Variants in PTPRU observed in about 807,000 individuals in gnomAD.
The protein encoded by PTPRU is protein tyrosine phosphatase receptor type U.
PTPRU carries 69 observed loss-of-function variants against 166.3 expected under a neutral mutation model. The observed-to-expected ratio is 0.41, with a 90% CI of 0.34 to 0.51. PTPRU has a LOEUF of 0.51. Ranked by LOEUF, PTPRU falls within the 20% of genes least tolerant of loss-of-function variation. The probability of loss-of-function intolerance (pLI) is 0.09; values close to 1 mark genes in which losing one functional copy is unlikely to be tolerated. For synonymous variants in PTPRU, 793 were observed against 814.0 expected (o/e 0.97, Z 0.44); for missense variants, 1,657 against 2,013.7 (o/e 0.82, Z 3.39).
At position 29,260,707 on chromosome 1, in the gene PTPRU, G is replaced by T. The variant is rs775160621; in HGVS notation, c.948G>T (p.Pro316=). The T allele has an allele frequency of 4.4e-6, 7 of 1,593,456 alleles. No homozygotes were observed. Among genetic ancestry groups the T allele is most frequent in the African/African-American group, 1.3e-5 (1 of 74,128 alleles). The change falls in exon 7 of 30, where the codon CCG becomes CCT. Residue 316 remains proline (P), a synonymous_variant. Coordinates refer to ENST00000373779, the MANE Select transcript of PTPRU (RefSeq NM_133178.4). The surrounding 1 kb of genome is among the most constrained non-coding windows in gnomAD (Gnocchi z 8.3). ...LNTNSIIGDG[P]IVRKEIEYRM... Reference sequence around the variant, plus strand: ...CCAACTCCATCATTGGCGACGGGCCGATCGTGCGCAAGGAGATTGAGTACC... The same window carrying T: ...CCAACTCCATCATTGGCGACGGGCCTATCGTGCGCAAGGAGATTGAGTACC...
intron 16 of PTPRU, 104 bp from the exon 17 acceptor site, chr1:29,304,670 C>G (rs1687298389): frequency 2.4e-6 from 2 of 822,418 alleles, no homozygotes; most frequent in Non-Finnish European, 3.7e-6. Flanking sequence ...GAATCTGGCC[C>G]TTATCATCCC....
chr1:29,265,351 G>A (rs181955567), intron 7 of PTPRU, among the ~76,000 whole-genome samples: 6 of 151,922 alleles, frequency 3.9e-5, no homozygotes, highest in East Asian at 3.9e-4. Flanking sequence ...TAGTGATGTC[G>A]AACATCTTTT....
At chr1:29,307,503 C>T (rs1245076247) in intron 18 of PTPRU, among the ~76,000 whole-genome samples, 3 of 152,262 alleles carry the variant, frequency 2.0e-5, no homozygotes, top group African/African-American at 7.2e-5. Context: ...TCCCTAGCTG[C>T]ACCTTCTACA....
Position 29,275,670 on chromosome 1 carries a change from A to T in PTPRU, c.1367A>T (p.Tyr456Phe). 6.2e-7 allele frequency: 1 copy of T among 1,614,150 alleles called. No individual in the cohort carries two copies. Among genetic ancestry groups the T allele is most frequent in the Non-Finnish European group, 8.5e-7 (1 of 1,180,020 alleles). The change falls in exon 8 of 30, where the codon TAT (tyrosine) becomes TTT (phenylalanine). Residue 456 changes from tyrosine to phenylalanine, a missense_variant. Coordinates refer to ENST00000373779, the MANE Select transcript of PTPRU (RefSeq NM_133178.4). ...SRYTIKNLLP[Y>F]RNVHVRLVLT... The stretch of plus-strand genomic sequence containing the variant: ...TACACCATCAAGAACCTGCTGCCCT[A>T]TCGGAACGTTCACGTGAGGCTTGTC...
intron 15 of PTPRU, among the ~76,000 whole-genome samples, chr1:29,299,237 A>G (rs1687031307): frequency 6.6e-6 from 1 of 152,226 alleles, no homozygotes; most frequent in Non-Finnish European, 1.5e-5. Context: ...CCCATAAAGC[A>G]TCAGCTGTCC....
chr1:29,318,682 G>A (rs576951812), intron 25 of PTPRU, among the ~76,000 whole-genome samples: 7 of 152,326 alleles, frequency 4.6e-5, no homozygotes, highest in African/African-American at 1.4e-4. Context: ...ACCCCTCCCC[G>A]ATATAGCCGT....
At chr1:29,297,372 A>T (rs951202071) in intron 15 of PTPRU, among the ~76,000 whole-genome samples, 1 of 152,106 alleles carries the variant, frequency 6.6e-6, no homozygotes, top group African/African-American at 2.4e-5. Context: ...AGCTGTTATT[A>T]ACCCTTCAGC....
At chr1:29,314,667 T>G (rs752081609) in intron 22 of PTPRU, among the ~76,000 whole-genome samples, 13 of 152,096 alleles carry the variant, frequency 8.5e-5, no homozygotes, top group Non-Finnish European at 1.6e-4. Flanking sequence ...AACCTCCATC[T>G]CCCGGGTTCA....
rs1172496884 is a variant in PTPRU, at chr1:29,237,774, C to T, written c.73+1057C>T. On this transcript the variant is annotated intron_variant, in intron 1 of 29. Coordinates refer to ENST00000373779, the MANE Select transcript of PTPRU (RefSeq NM_133178.4). This position sits in a 1 kb window ranked among gnomAD's most constrained non-coding sequence, Gnocchi z 6.4. ...GAGGCGGCGCCGGGGCTGCGGGGCG[C>T]CCGGGCCAGCGGGCCCCAGCGAGGG... 2.7e-5 allele frequency among the ~76,000 whole-genome samples: 4 copies of T among 147,656 alleles called. No individual in the cohort carries two copies. The highest frequency in any genetic ancestry group is 6.0e-5 in the Non-Finnish European group (4 of 66,476).
intron 15 of PTPRU, among the ~76,000 whole-genome samples, chr1:29,293,478 G>GTTT (rs370297342): frequency 8.8e-5 from 12 of 135,896 alleles, no homozygotes; most frequent in African/African-American, 1.6e-4. Context: ...GTAGTTTTTT[G>GTTT]TTTTTTTTTT....
At chr1:29,251,277 T>C (rs1008402410) in intron 1 of PTPRU, among the ~76,000 whole-genome samples, 1 of 151,448 alleles carries the variant, frequency 6.6e-6, no homozygotes, top group Admixed American at 6.6e-5. Context: ...AAGGAATCAC[T>C]CTGGATGCGG....
At position 29,315,398 on chromosome 1, in the gene PTPRU, A is replaced by G. The variant is rs776864464; in HGVS notation, c.3254A>G (p.Tyr1085Cys). ...GCGGGCACCGGCCGCACAGGTTGCT[A>G]TATCGTCCTGGATGTGATGCTGGAC... ...CSAGTGRTGC[Y>C]IVLDVMLDMA... Residue 1085 changes from tyrosine (Y) to cysteine (C), a missense_variant, in exon 23 of 30, where the codon TAT (tyrosine) becomes TGT (cysteine). Around this residue, in one of 3 missense-constraint regions of PTPRU, gnomAD observed 1,190 missense variants for 1,477.4 expected, o/e 0.81. Transcript: ENST00000373779. The surrounding 1 kb of genome is among the most constrained non-coding windows in gnomAD (Gnocchi z 4.5). 10 of 1,614,206 alleles carry G rather than the reference A, an allele frequency of 6.2e-6. No homozygotes were observed. Among genetic ancestry groups the G allele is most frequent in the East Asian group, 4.5e-5 (2 of 44,884 alleles).
chr1:29,301,336 T>A (rs1687123811), intron 15 of PTPRU, among the ~76,000 whole-genome samples: 1 of 152,200 alleles, frequency 6.6e-6, no homozygotes, highest in Non-Finnish European at 1.5e-5. Context: ...AATGTCATCG[T>A]GCAATGCATT....
Position 29,255,402 on chromosome 1 carries a change from C to T in PTPRU, c.201C>T (p.Pro67=). 6.2e-7 allele frequency: 1 copy of T among 1,614,144 alleles called. No individual in the cohort carries two copies. Among genetic ancestry groups the T allele is most frequent in the Non-Finnish European group, 8.5e-7 (1 of 1,179,986 alleles). ...HPGTRAPADL[P]HGSYLMVNTS... ...GCACCCGGGCACCTGCGGACCTGCC[C>T]CACGGTAAGTCTACTCTCCATCGCC... Residue 67 remains proline, a synonymous_variant, in exon 2 of 30, where the codon CCC becomes CCT. Transcript: ENST00000373779.
chr1:29,320,904 C>G lies in PTPRU; in HGVS notation c.3828+79C>G. The G allele has an allele frequency of 7.2e-7, 1 of 1,387,760 alleles. No homozygotes were observed. Among genetic ancestry groups the G allele is most frequent in the Non-Finnish European group, 9.5e-7 (1 of 1,048,158 alleles). The allele number at this position is 1,387,760 out of a possible 1,614,324, so 86.0% of individuals were successfully genotyped here. A position where few individuals can be genotyped will look rare whatever the true frequency, so the allele number is the denominator to read the frequency against. On this transcript the variant is annotated intron_variant, in intron 26 of 29. Transcript: ENST00000373779. This position sits in a 1 kb window ranked among gnomAD's most constrained non-coding sequence, Gnocchi z 5.2. ...TATTCAGGGCCATGGTCCCCAAAGC[C>G]AAAAGTTGGGTCCCAGCTCTGCCAT...
chr1:29,272,922 A>G (rs944292916), intron 7 of PTPRU, among the ~76,000 whole-genome samples: 5 of 150,464 alleles, frequency 3.3e-5, no homozygotes, highest in South Asian at 4.2e-4. Context: ...AAAAAAAAAA[A>G]AAAAAGAAAA....
chr1:29,269,502 GGACGGAA>G (rs1342989893), intron 7 of PTPRU, among the ~76,000 whole-genome samples: 1 of 151,734 alleles, frequency 6.6e-6, no homozygotes, highest in Non-Finnish European at 1.5e-5. Context: ...AGGCTGGCCA[GGACGGAA>G]GCTGGGGCAG....
rs559816355 is a variant in PTPRU at position 29,260,059 on chromosome 1, G to T, written c.850+15G>T. The stretch of plus-strand genomic sequence containing the variant: ...CATCGTCAAGGGTCAGCTGGTGGAC[G>T]CCGGGGAGCGCCGGGACCTCACCCT... On this transcript the variant is annotated intron_variant, in intron 6 of 29. Transcript: ENST00000373779. This position sits in a 1 kb window ranked among gnomAD's most constrained non-coding sequence, Gnocchi z 8.3. 3 of 1,393,324 alleles carry T rather than the reference G, an allele frequency of 2.2e-6. No homozygotes were observed. The South Asian group carries it at 5.1e-5, about 24-fold the overall frequency. 86.3% of individuals were successfully genotyped at this position (1,393,324 alleles called of 1,614,324 possible). A position where few individuals can be genotyped will look rare whatever the true frequency, so the allele number is the denominator to read the frequency against.
At position 29,317,605 on chromosome 1, in the gene PTPRU, T is replaced by G; in HGVS notation, c.3514-143T>G. ...CCTAGAGACAGGGAGTCTGGCTCCG[T>G]GCCCTGTACCCTTCTCTCTGGACCT... is the stretch of plus-strand genomic sequence containing the variant. On this transcript the variant is annotated intron_variant, in intron 24 of 29. Coordinates refer to ENST00000373779, the MANE Select transcript of PTPRU (RefSeq NM_133178.4). The surrounding 1 kb of genome is among the most constrained non-coding windows in gnomAD (Gnocchi z 5.6). 1.0e-6 allele frequency: 1 copy of G among 957,654 alleles called. No individual in the cohort carries two copies. Among genetic ancestry groups the G allele is most frequent in the African/African-American group, 1.6e-5 (1 of 60,632 alleles). 59.3% of individuals were successfully genotyped at this position (957,654 alleles called of 1,614,324 possible). A position where few individuals can be genotyped will look rare whatever the true frequency, so the allele number is the denominator to read the frequency against.
Sources: gnomAD v4.1 joint callset for allele counts (sites outside exome capture counted in the v4.1 genomes callset) on GRCh38, gnomAD v4.1.1 for gene constraint, gnomAD v4.1.1 regional missense constraint, Gnocchi (gnomAD v3.1) non-coding constraint, MANE v1.5 for transcripts, NCBI Gene and HGNC (gene_info 2026-07-23, HGNC 2026-07-21) for gene names.